Variants in NEBL observed in about 807,000 individuals in gnomAD.
NEBL encodes nebulette, also known as LIM and SH3 protein 2.
In NEBL, 122 loss-of-function variants were observed where a neutral mutation model predicts 140.2. The ratio of observed to expected loss-of-function variants is 0.87; its 90% CI spans 0.75 to 1.01. The LOEUF (loss-of-function observed/expected upper bound fraction) is 1.01, where lower values mean the gene tolerates loss of function less well. Among genes scored for constraint, NEBL ranks in the 50% least tolerant of loss-of-function variants. The probability of loss-of-function intolerance (pLI) is 0.00; values close to 1 mark genes in which losing one functional copy is unlikely to be tolerated. For synonymous variants in NEBL, 436 were observed against 398.9 expected, an observed-to-expected ratio of 1.09 and a Z score of -1.11; for missense variants, 1,365 against 1,231.3, an observed-to-expected ratio of 1.11 and a Z score of -1.62.
At chr10:20,813,801 A>G in intron 23 of NEBL, 138 bp downstream of exon 23, 3 of 685,846 alleles carry the variant, frequency 4.4e-6, no homozygotes, top group Non-Finnish European at 5.4e-6. Flanking sequence ...GTGATTAGAA[A>G]TGCCCCTCCC....
At chr10:20,835,375 C>A in intron 14 of NEBL, 138 bp downstream of exon 14, 2 of 775,014 alleles carry the variant, frequency 2.6e-6, no homozygotes, top group Non-Finnish European at 4.6e-6. Flanking sequence ...TGGCATAATG[C>A]TTCGGAATAG....
intron 7 of NEBL, 122 bp downstream of exon 7, chr10:20,868,542 A>C: frequency 1.2e-6 from 1 of 817,864 alleles, no homozygotes; most frequent in East Asian, 2.5e-5. Flanking sequence ...AACTGGGTTC[A>C]GAAACATTAT....
At chr10:21,129,638 T>C (rs1839007290) in intron 2 of NEBL, among the ~76,000 whole-genome samples, 1 of 152,072 alleles carries the variant, frequency 6.6e-6, no homozygotes, top group Non-Finnish European at 1.5e-5. Flanking sequence ...AAGGTACTCA[T>C]ATACCCATGA....
chr10:21,240,597 C>T (rs534426617), intron 3 of NEBL, among the ~76,000 whole-genome samples: 1 of 151,592 alleles, frequency 6.6e-6, no homozygotes, highest in East Asian at 1.9e-4. Flanking sequence ...CCAGCCTGGG[C>T]GACAGAGCTA....
At chr10:20,934,173 C>T (rs888922003) in intron 4 of NEBL, among the ~76,000 whole-genome samples, 2 of 152,100 alleles carry the variant, frequency 1.3e-5, no homozygotes, top group Non-Finnish European at 1.5e-5. Flanking sequence ...GACAGGTCTA[C>T]GGTCAAAACA....
chr10:21,204,423 TTCTCTCTCTCTCTTTCTTTC>T (rs1351021053), intron 3 of NEBL, among the ~76,000 whole-genome samples: 1 of 151,890 alleles, frequency 6.6e-6, no homozygotes, highest in Non-Finnish European at 1.5e-5. Context: ...GTAGAGACCT[TTCTCTCTCTCTCTTTCTTTC>T]TCTCTCTCTC....
rs377436400 is a variant in NEBL at position 21,152,583 on chromosome 10, GA to G, written c.164+19799del. 2.3e-3 allele frequency among the ~76,000 whole-genome samples: 317 copies of G among 137,816 alleles called. 1 individual carries two copies. Among genetic ancestry groups the G allele is most frequent in the African/African-American group, 6.4e-3 (239 of 37,524 alleles). The allele number at this position is 137,816 out of a possible 152,430, so 90.4% of individuals were successfully genotyped here. On this transcript the variant is annotated intron_variant, in intron 2 of 6. Coordinates refer to the NEBL transcript ENST00000417816. ...GAGCAAGACCCTGTCCAAGAAAAAA[GA>G]AAAAAAAAAAATCCAGAGCAACAAA...
chr10:21,282,568 G>A (rs1443821836), intron 1 of NEBL, among the ~76,000 whole-genome samples: 2 of 152,174 alleles, frequency 1.3e-5, no homozygotes, highest in Non-Finnish European at 2.9e-5. Context: ...AAGTTCAGCT[G>A]GAGCCTGAGG....
rs141711606 is a variant in NEBL at position 20,885,676 on chromosome 10, G to A, written c.369+2421C>T. On this transcript the variant is annotated intron_variant, in intron 4 of 27. Coordinates refer to ENST00000377122, the MANE Select transcript of NEBL (RefSeq NM_006393.3). ...AAATGAGGATGGAAACATCGGAAAAGTTACCTTCCCAAGGAAGTATAAAAG... is the reference window on the plus strand; with the variant it reads ...AAATGAGGATGGAAACATCGGAAAAATTACCTTCCCAAGGAAGTATAAAAG... Among the ~76,000 whole-genome samples, 450 of 152,342 alleles carry A rather than the reference G, an allele frequency of 3.0e-3. 3 individuals are homozygous for A. Among genetic ancestry groups the A allele is most frequent in the African/African-American group, 0.01 (424 of 41,570 alleles).
At chr10:21,261,221 C>G (rs1842736386) in intron 1 of NEBL, among the ~76,000 whole-genome samples, 1 of 152,178 alleles carries the variant, frequency 6.6e-6, no homozygotes, top group African/African-American at 2.4e-5. Flanking sequence ...CCACAAGGCT[C>G]CAGGCTGCTC....
At chr10:21,235,637 C>G (rs543665025) in intron 3 of NEBL, among the ~76,000 whole-genome samples, 6 of 152,186 alleles carry the variant, frequency 3.9e-5, no homozygotes, top group Non-Finnish European at 8.8e-5. Flanking sequence ...TAGAATTCAA[C>G]AGTTGTTCTC....
intron 2 of NEBL, among the ~76,000 whole-genome samples, chr10:21,091,728 G>A (rs946494695): frequency 1.5e-4 from 23 of 152,080 alleles, no homozygotes; most frequent in African/African-American, 5.6e-4. Flanking sequence ...TGGGCTCAAG[G>A]GATCCTCCCA....
intron 2 of NEBL, among the ~76,000 whole-genome samples, chr10:21,137,775 C>T (rs1564524039): frequency 6.6e-6 from 1 of 151,124 alleles, no homozygotes; most frequent in Non-Finnish European, 1.5e-5. Context: ...GCCATCTCTA[C>T]AAAAAAAATA....
intron 4 of NEBL, among the ~76,000 whole-genome samples, chr10:20,946,671 G>T (rs532053727): frequency 3.8e-4 from 58 of 152,176 alleles, no homozygotes; most frequent in African/African-American, 1.3e-3. Context: ...CACGCTGTTG[G>T]CCAGGCTGGT....
At chr10:21,040,028 CTGTT>C (rs1382113090) in intron 2 of NEBL, among the ~76,000 whole-genome samples, 1 of 152,186 alleles carries the variant, frequency 6.6e-6, no homozygotes, top group Non-Finnish European at 1.5e-5. Context: ...AACTGTTAGT[CTGTT>C]TGTGTTGATA....
At chr10:21,251,288 T>G (rs774016304) in intron 2 of NEBL, among the ~76,000 whole-genome samples, 16 of 152,318 alleles carry the variant, frequency 1.1e-4, no homozygotes, top group Non-Finnish European at 2.2e-4. Flanking sequence ...CTGGAACAGT[T>G]TAATCTTATG....
At chr10:21,146,483 T>C in intron 2 of NEBL, 4 of 1,613,404 alleles carry the variant, frequency 2.5e-6, no homozygotes, top group South Asian at 1.1e-5. Flanking sequence ...TTCCATAGAG[T>C]AGATTCTTCT....
At chr10:21,073,489 C>G (rs1295156859) in intron 2 of NEBL, among the ~76,000 whole-genome samples, 2 of 151,592 alleles carry the variant, frequency 1.3e-5, no homozygotes, top group African/African-American at 2.4e-5. Context: ...TGGTGGCACG[C>G]ACTTGTAATC....
rs187155786 is a variant in NEBL at position 20,971,460 on chromosome 10, T to C, written c.250-9681A>G. ...GAATTTTTTTTTCTTTTTTTTTTTA[T>C]TATACTTTAAGTTTTAGGGTACATG... On this transcript the variant is annotated intron_variant, in intron 3 of 6. Transcript: ENST00000417816. 2.3e-3 allele frequency among the ~76,000 whole-genome samples: 342 copies of C among 151,658 alleles called. 2 individuals are homozygous for C. Among genetic ancestry groups the C allele is most frequent in the African/African-American group, 7.9e-3 (326 of 41,412 alleles).
Sources: gnomAD v4.1 joint callset for allele counts (sites outside exome capture counted in the v4.1 genomes callset) on GRCh38, gnomAD v4.1.1 for gene constraint, MANE v1.5 for transcripts, NCBI Gene and HGNC (gene_info 2026-07-23, HGNC 2026-07-21) for gene names.